HEPH: variants seen among roughly 807,000 people sequenced by gnomAD.
HEPH encodes the protein hephaestin.
HEPH carries 69 observed loss-of-function variants against 80.8 expected under a neutral mutation model. The observed-to-expected ratio is 0.85, with a 90% CI of 0.70 to 1.04. The LOEUF (loss-of-function observed/expected upper bound fraction) is 1.04, where lower values mean the gene tolerates loss of function less well. Ranked by LOEUF, HEPH falls within the 50% of genes least tolerant of loss-of-function variation. HEPH has a pLI of 0.00. For missense variants in HEPH, 1,115 were observed against 891.3 expected (o/e 1.25, Z -3.20); for synonymous variants, 431 against 322.8 (o/e 1.34, Z -3.60).
intron 4 of HEPH, among the ~76,000 whole-genome samples, chrX:66,186,473 C>A (rs1306668586): frequency 8.9e-6 from 1 of 112,213 alleles, no homozygotes; most frequent in Non-Finnish European, 1.9e-5. Flanking sequence ...TTTCCAGGTG[C>A]GTCCATCACC....
At chrX:66,201,483 A>G (rs747979014) in intron 12 of HEPH, among the ~76,000 whole-genome samples, 1 of 110,865 alleles carries the variant, frequency 9.0e-6, no homozygotes, top group Non-Finnish European at 1.9e-5. Context: ...ATATTTGACT[A>G]TAATGTTTCT....
intron 1 of HEPH, among the ~76,000 whole-genome samples, chrX:66,164,851 T>C: frequency 8.9e-6 from 1 of 112,372 alleles, no homozygotes; most frequent in Non-Finnish European, 1.9e-5. Flanking sequence ...TGGTTTCATA[T>C]TTTGAGACCA....
At chrX:66,202,324 G>C (rs1226354278) in intron 12 of HEPH, among the ~76,000 whole-genome samples, 1 of 111,952 alleles carries the variant, frequency 8.9e-6, no homozygotes, top group East Asian at 2.8e-4. Flanking sequence ...AGGTGGAACT[G>C]GATTGGTAGT....
intron 15 of HEPH, among the ~76,000 whole-genome samples, chrX:66,254,241 G>A (rs950483055): frequency 4.5e-5 from 5 of 111,226 alleles, no homozygotes; most frequent in Non-Finnish European, 7.5e-5. Context: ...TAGGGCAAGA[G>A]TAATGATAAT....
chrX:66,229,808 G>A (rs1203921553), intron 15 of HEPH, among the ~76,000 whole-genome samples: 1 of 109,781 alleles, frequency 9.1e-6, no homozygotes, highest in East Asian at 2.9e-4. Context: ...AAGTTTTAGG[G>A]TACATGTGCA....
intron 1 of HEPH, among the ~76,000 whole-genome samples, chrX:66,168,186 AGGCTAAAGGTGGCCTTCTGG>A (rs1304884165): frequency 1.8e-5 from 2 of 111,968 alleles, no homozygotes; most frequent in African/African-American, 3.3e-5. Flanking sequence ...TGATATGAAG[AGGCTAAAGGTGGCCTTCTGG>A]AGCAGTTAGT....
chrX:66,260,095 T>A lies in HEPH; in HGVS notation c.3037-5T>A, dbSNP rs778920083. On this transcript the variant is annotated splice_polypyrimidine_tract_variant and splice_region_variant and intron_variant, in intron 18 of 20. Coordinates refer to ENST00000343002, the MANE Select transcript of HEPH (RefSeq NM_001367233.3). Reference sequence around the variant, plus strand: ...CCTCTCCCTCATTCCCAATCTCTCTTGCAGAATGGCGAGAACTACCGGGCA... The same window carrying A: ...CCTCTCCCTCATTCCCAATCTCTCTAGCAGAATGGCGAGAACTACCGGGCA... 67 of 1,203,606 alleles carry A rather than the reference T, an allele frequency of 5.6e-5. No individual in the cohort carries two copies. In the Admixed American group the frequency reaches 1.5e-3, roughly 26 times the overall value.
At chrX:66,268,473 G>T (rs2091586013), downstream of HEPH, 1 of 112,148 alleles carries the variant, frequency 8.9e-6, no homozygotes, top group African/African-American at 3.2e-5. Context: ...TTATCCAAGA[G>T]TTAGTGTTTA....
At chrX:66,188,030 A>C (rs780353572) in intron 4 of HEPH, among the ~76,000 whole-genome samples, 3 of 111,178 alleles carry the variant, frequency 2.7e-5, no homozygotes, top group Non-Finnish European at 5.6e-5. Context: ...GATTTTGCTG[A>C]TAATAGGATA....
In HEPH at chrX:66,203,464, C is replaced by T. The variant is rs140136792; in HGVS notation, c.2178C>T (p.Arg726=). 119 of 1,208,469 alleles carry T rather than the reference C, an allele frequency of 9.8e-5. No individual in the cohort carries two copies. Among genetic ancestry groups the T allele is most frequent in the Non-Finnish European group, 1.3e-4 (114 of 894,553 alleles). Residue 726 remains arginine, a synonymous_variant, in exon 13 of 21, where the codon CGC becomes CGT. Coordinates refer to ENST00000343002, the MANE Select transcript of HEPH (RefSeq NM_001367233.3). Reference sequence around the variant, plus strand: ...GTCCTGGCCACCAAGCCACCCCTCGCCAACGCTACCAAGCTGCAAGAATCT... The same window carrying T: ...GTCCTGGCCACCAAGCCACCCCTCGTCAACGCTACCAAGCTGCAAGAATCT... ...SQCPGHQATP[R]QRYQAARIYY... is the part of the protein sequence containing the mutation.
intron 6 of HEPH, among the ~76,000 whole-genome samples, chrX:66,191,604 G>A (rs1304068101): frequency 1.8e-5 from 2 of 111,560 alleles, no homozygotes; most frequent in Admixed American, 9.5e-5. Context: ...TTTTCCTTAC[G>A]GTCCCAAGTC....
chrX:66,234,372 A>G (rs1055860215), intron 15 of HEPH, among the ~76,000 whole-genome samples: 6 of 111,742 alleles, frequency 5.4e-5, no homozygotes, highest in Non-Finnish European at 1.1e-4. Flanking sequence ...TAGTGCTGCA[A>G]TGAACATATT....
At chrX:66,244,930 T>G (rs2090744590) in intron 15 of HEPH, among the ~76,000 whole-genome samples, 1 of 110,462 alleles carries the variant, frequency 9.1e-6, no homozygotes, top group African/African-American at 3.3e-5. Context: ...TAAAAATATT[T>G]TAGTACATAG....
chrX:66,263,769 G>A (rs1352784514), intron 20 of HEPH, 81 bp downstream of exon 20: 3 of 925,002 alleles, frequency 3.2e-6, no homozygotes, highest in African/African-American at 3.9e-5. Flanking sequence ...TTTAGGGTAT[G>A]GGACTTATGT....
chrX:66,212,806 A>C (rs975485279), intron 15 of HEPH, among the ~76,000 whole-genome samples: 31 of 110,242 alleles, frequency 2.8e-4, no homozygotes, highest in African/African-American at 9.9e-4. Context: ...TGCTTTGGCT[A>C]TTTGGGCTCT....
chrX:66,234,772 G>T (rs1049745909), intron 15 of HEPH, among the ~76,000 whole-genome samples: 1 of 110,496 alleles, frequency 9.1e-6, no homozygotes, highest in Admixed American at 9.7e-5. Flanking sequence ...GGGTAGCTGG[G>T]ATTGCAGGCA....
At chrX:66,166,476 T>A (rs2147467406) in intron 1 of HEPH, among the ~76,000 whole-genome samples, 1 of 112,380 alleles carries the variant, frequency 8.9e-6, no homozygotes, top group Non-Finnish European at 1.9e-5. Flanking sequence ...ATTACAGGCG[T>A]GAGCCACTGT....
Position 66,170,722 on chromosome X carries a change from C to T in HEPH, c.152C>T (p.Pro51Leu). Reference sequence around the variant, plus strand: ...GGAAGAAATGTCATCACGAACCAGCCTCTGGACAGTGACATGTAGGTTTAA... The same window carrying T: ...GGAAGAAATGTCATCACGAACCAGCTTCTGGACAGTGACATGTAGGTTTAA... The part of the protein sequence containing the change: ...PKGRNVITNQ[P>L]LDSDIVASSF... Residue 51 changes from proline to leucine, a missense_variant, in exon 2 of 21, where the codon CCT becomes CTT. Physicochemically the swap from Pro to Leu is moderately conservative, Grantham distance 98. Transcript: ENST00000343002. The T allele has an allele frequency of 8.3e-7, 1 of 1,208,789 alleles. No individual in the cohort carries two copies. Among genetic ancestry groups the T allele is most frequent in the Non-Finnish European group, 1.1e-6 (1 of 893,568 alleles).
chrX:66,197,648 C>A, intron 9 of HEPH, 35 bp from the exon 10 acceptor site: 2 of 1,095,481 alleles, frequency 1.8e-6, no homozygotes, highest in Non-Finnish European at 1.3e-6. Context: ...TCATTCTAGT[C>A]AATCTAAGTA....
Sources: gnomAD v4.1 joint callset for allele counts (sites outside exome capture counted in the v4.1 genomes callset) on GRCh38, gnomAD v4.1.1 for gene constraint, MANE v1.5 for transcripts, NCBI Gene and HGNC (gene_info 2026-07-23, HGNC 2026-07-21) for gene names.